The following CEP164 variants were observed in gnomAD, a reference collection of about 807,000 sequenced individuals.
CEP164 encodes centrosomal protein 164, also known as centrosomal protein of 164 kDa.
Under a neutral mutation model 182.7 loss-of-function variants are expected in CEP164, and 162 were observed. The ratio of observed to expected loss-of-function variants is 0.89; its 90% CI spans 0.78 to 1.01. The LOEUF (loss-of-function observed/expected upper bound fraction) is 1.01. Among genes scored for constraint, CEP164 ranks in the 50% least tolerant of loss-of-function variants. The probability of loss-of-function intolerance (pLI) is 0.00; values close to 1 mark genes in which losing one functional copy is unlikely to be tolerated. For missense variants in CEP164, 1,735 were observed against 1,790.4 expected (o/e 0.97, Z 0.56); for synonymous variants, 661 against 690.0 (o/e 0.96, Z 0.66).
intron 27 of CEP164, among the ~76,000 whole-genome samples, chr11:117,407,542 A>G (rs1483234887): frequency 2.0e-5 from 3 of 151,428 alleles, no homozygotes; most frequent in Non-Finnish European, 4.4e-5. Flanking sequence ...AGTACCAGCT[A>G]CTTGGGAGGC....
chr11:117,363,547 C>A, intron 8 of CEP164, 41 bp downstream of exon 8: 1 of 1,395,746 alleles, frequency 7.2e-7, no homozygotes, highest in South Asian at 1.2e-5. Flanking sequence ...GTCAGCCTGG[C>A]ATATCCCTCC....
Position 117,363,437 on chromosome 11 carries a change from C to G in CEP164, c.696C>G (p.His232Gln), listed in dbSNP as rs201189268. 6.2e-7 allele frequency: 1 copy of G among 1,613,480 alleles called. No individual in the cohort carries two copies. Among genetic ancestry groups the G allele is most frequent in the East Asian group, 2.2e-5 (1 of 44,878 alleles). The change falls in exon 8 of 33, where the codon CAC becomes CAG. Residue 232 changes from histidine to glutamine, a missense_variant. Physicochemically the swap from His to Gln is conservative, Grantham distance 24. Coordinates refer to ENST00000278935, the MANE Select transcript of CEP164 (RefSeq NM_014956.5). Reference protein sequence around the residue: ...DEEESDNQSVHSSSEPLRNLH... With the variant: ...DEEESDNQSVQSSSEPLRNLH... The stretch of plus-strand genomic sequence containing the variant: ...ATCATTTTTGTTTCTAGAGTGTCCA[C>G]AGCTCAAGTGAGCCTCTTAGGAACC...
At chr11:117,342,336 T>C (rs1243936480) in intron 3 of CEP164, among the ~76,000 whole-genome samples, 6 of 152,242 alleles carry the variant, frequency 3.9e-5, no homozygotes, top group African/African-American at 1.4e-4. Context: ...TCCACTGAGA[T>C]GGCTCATTGG....
At chr11:117,355,269 C>T (rs1356013560) in intron 5 of CEP164, 25 of 1,289,684 alleles carry the variant, frequency 1.9e-5, no homozygotes, top group Non-Finnish European at 2.4e-5. Flanking sequence ...CAGAAGGCGA[C>T]AGAGAAAATC....
At position 117,396,287 on chromosome 11, in the gene CEP164, G is replaced by T; in HGVS notation, c.3216+107G>T. The stretch of plus-strand genomic sequence containing the variant: ...TTCCAGAGGGGACAGCTCATCAGGA[G>T]GGGTGGAGCCTCAGGAGGGGAGGAG... On this transcript the variant is annotated intron_variant, in intron 25 of 32. Transcript: ENST00000278935. 2.3e-6 allele frequency: 3 copies of T among 1,303,528 alleles called. No individual in the cohort carries two copies. The South Asian group carries it at 4.0e-5, about 17-fold the overall frequency. The allele number at this position is 1,303,528 out of a possible 1,614,324, so 80.7% of individuals were successfully genotyped here. A position where few individuals can be genotyped will look rare whatever the true frequency, so the allele number is the denominator to read the frequency against.
chr11:117,397,349 T>C, intron 27 of CEP164, 36 bp downstream of exon 27: 1 of 1,584,200 alleles, frequency 6.3e-7, no homozygotes, highest in Non-Finnish European at 8.6e-7. Flanking sequence ...CAGCCCTGTG[T>C]GGGGGAGGCG....
rs1221685717 is a variant in CEP164 at position 117,395,201 on chromosome 11, C to G, written c.2913+10C>G. ...TGCTCTGAAGAGTGAGGTTTGTCTC[C>G]CTGTTTTGTCCTCCCTCCTGTTCTT... is the stretch of plus-strand genomic sequence containing the variant. On this transcript the variant is annotated intron_variant, in intron 23 of 32. Transcript: ENST00000278935. 12 of 1,612,684 alleles carry G rather than the reference C, an allele frequency of 7.4e-6. No individual in the cohort carries two copies. The highest frequency in any genetic ancestry group is 1.0e-5 in the Non-Finnish European group (12 of 1,179,514).
intron 15 of CEP164, 50 bp downstream of exon 15, chr11:117,387,462 A>G (rs761365248): frequency 2.5e-6 from 4 of 1,578,818 alleles, no homozygotes; most frequent in Non-Finnish European, 3.5e-6. Context: ...CAGGGATGTG[A>G]GGAGCCAGGG....
chr11:117,343,450 A>G (rs1220341109), intron 3 of CEP164, among the ~76,000 whole-genome samples: 2 of 152,108 alleles, frequency 1.3e-5, no homozygotes, highest in African/African-American at 4.8e-5. Flanking sequence ...GTAGTTTTTC[A>G]GTACATGCTT....
At chr11:117,355,951 G>T in intron 5 of CEP164, 1 of 1,087,978 alleles carries the variant, frequency 9.2e-7, no homozygotes. Flanking sequence ...GGTCTGCAGA[G>T]CTCCCTTATA....
chr11:117,370,306 G>A (rs2042075643), intron 8 of CEP164, among the ~76,000 whole-genome samples: 1 of 152,194 alleles, frequency 6.6e-6, no homozygotes, highest in African/African-American at 2.4e-5. Context: ...TCTCCTGATA[G>A]TTTTTCCCCT....
At chr11:117,365,679 A>T (rs1241230109) in intron 8 of CEP164, among the ~76,000 whole-genome samples, 1 of 152,112 alleles carries the variant, frequency 6.6e-6, no homozygotes, top group Non-Finnish European at 1.5e-5. Context: ...TCCTGGGCTC[A>T]AGGGATTCTC....
chr11:117,359,417 C>T, intron 5 of CEP164: 5 of 985,448 alleles, frequency 5.1e-6, no homozygotes, highest in Non-Finnish European at 6.0e-6. Context: ...CCTTCACAAA[C>T]ATGTTCTACA....
At position 117,394,769 on chromosome 11, in the gene CEP164, C is replaced by A. The variant is rs1200721881; in HGVS notation, c.2761-151C>A. ...AGCAGGAAGTAAACAAGGTGTGGAG[C>A]CTTCCTGGGAGGCTGCAGGGGCACA... On this transcript the variant is annotated intron_variant, in intron 21 of 32. Coordinates refer to ENST00000278935, the MANE Select transcript of CEP164 (RefSeq NM_014956.5). The surrounding 1 kb of genome is among the most constrained non-coding windows in gnomAD (Gnocchi z 4.0). 1.1e-6 allele frequency: 1 copy of A among 914,762 alleles called. No homozygotes were observed. The highest frequency in any genetic ancestry group is 1.7e-6 in the Non-Finnish European group (1 of 587,370). 56.7% of individuals were successfully genotyped at this position (914,762 alleles called of 1,614,324 possible). A position where few individuals can be genotyped will look rare whatever the true frequency, so the allele number is the denominator to read the frequency against.
chr11:117,406,822 G>T (rs1174854483), intron 27 of CEP164, among the ~76,000 whole-genome samples: 1 of 152,164 alleles, frequency 6.6e-6, no homozygotes, highest in Non-Finnish European at 1.5e-5. Flanking sequence ...TCAGCCAGGC[G>T]CAGTGGTTCA....
In CEP164 at chr11:117,387,273, G is replaced by C; in HGVS notation, c.1795G>C (p.Val599Leu). The change falls in exon 15 of 33, where the codon GTG (valine) becomes CTG (leucine). Residue 599 changes from valine to leucine, a missense_variant. Coordinates refer to ENST00000278935, the MANE Select transcript of CEP164 (RefSeq NM_014956.5). ...TGCACTAAAGGCCATGGAAGAGGCA[G>C]TGGCCCAAGTACTCGAGCAAGACCA... ...EAALKAMEEA[V>L]AQVLEQDQRH... The C allele has an allele frequency of 6.2e-7, 1 of 1,614,236 alleles. No individual in the cohort carries two copies. Among genetic ancestry groups the C allele is most frequent in the African/African-American group, 1.3e-5 (1 of 75,074 alleles).
intron 5 of CEP164, among the ~76,000 whole-genome samples, chr11:117,359,223 C>T (rs1474979560): frequency 4.6e-5 from 7 of 152,186 alleles, no homozygotes; most frequent in East Asian, 1.9e-4. Context: ...GGATTACAGG[C>T]GTGAGCCACC....
chr11:117,388,296 C>G (rs546736082), intron 15 of CEP164, among the ~76,000 whole-genome samples: 2 of 152,340 alleles, frequency 1.3e-5, no homozygotes, highest in South Asian at 4.1e-4. Flanking sequence ...GACTGGCATG[C>G]TAGAAGTGTC....
intron 30 of CEP164, 23 bp from the exon 31 acceptor site, chr11:117,410,804 AG>A: frequency 6.2e-7 from 1 of 1,602,722 alleles, no homozygotes; most frequent in South Asian, 1.1e-5. Context: ...CCCATTTCTG[AG>A]TCCTGTCCCC....
Sources: allele counts gnomAD v4.1 joint callset (sites outside exome capture counted in the v4.1 genomes callset), GRCh38; gene constraint gnomAD v4.1.1; non-coding constraint Gnocchi (gnomAD v3.1); transcripts MANE v1.5; gene names NCBI Gene and HGNC (gene_info 2026-07-23, HGNC 2026-07-21).